Variants in MACROD2 observed in about 807,000 individuals in gnomAD.
The protein encoded by MACROD2 is ADP-ribose glycohydrolase MACROD2.
Under a neutral mutation model 70.4 loss-of-function variants are expected in MACROD2, and 36 were observed. The observed-to-expected ratio is 0.51, with a 90% confidence interval of 0.39 to 0.68. The LOEUF is 0.68. MACROD2 is among the 30% of genes least tolerant of loss of function. MACROD2 has a pLI of 0.00. For missense variants in MACROD2, 496 were observed against 538.4 expected, an observed-to-expected ratio of 0.92 and a Z score of 0.78; for synonymous variants, 172 against 178.8, an observed-to-expected ratio of 0.96 and a Z score of 0.30.
At chr20:15,935,514 C>A (rs1043676132) in intron 11 of MACROD2, among the ~76,000 whole-genome samples, 1 of 152,180 alleles carries the variant, frequency 6.6e-6, no homozygotes, top group African/African-American at 2.4e-5. Context: ...AAAGTATCTT[C>A]TTTTCATTCA....
At chr20:15,511,183 C>T (rs868316507) in intron 8 of MACROD2, among the ~76,000 whole-genome samples, 2 of 152,302 alleles carry the variant, frequency 1.3e-5, no homozygotes, top group Middle Eastern at 6.8e-3. Flanking sequence ...GCTATGCACG[C>T]ATATATCCTC....
chr20:14,779,641 AT>A (rs1212132490), intron 5 of MACROD2, among the ~76,000 whole-genome samples: 2 of 152,132 alleles, frequency 1.3e-5, no homozygotes, highest in African/African-American at 4.8e-5. Context: ...GTTAAGCAGT[AT>A]GGTAAAAATA....
chr20:14,580,781 G>T (rs183428251), intron 4 of MACROD2, among the ~76,000 whole-genome samples: 1 of 152,284 alleles, frequency 6.6e-6, no homozygotes, highest in Non-Finnish European at 1.5e-5. Context: ...GTAGACATAT[G>T]TTCTTTTTTC....
intron 6 of MACROD2, among the ~76,000 whole-genome samples, chr20:15,332,767 T>A (rs2078006505): frequency 6.6e-6 from 1 of 151,746 alleles, no homozygotes; most frequent in Non-Finnish European, 1.5e-5. Flanking sequence ...AAGCCATCCC[T>A]CCATGACCTT....
At chr20:14,431,819 C>A (rs922752889) in intron 3 of MACROD2, among the ~76,000 whole-genome samples, 1 of 152,108 alleles carries the variant, frequency 6.6e-6, no homozygotes, top group South Asian at 2.1e-4. Context: ...GAAAATAATT[C>A]GGCCTTCTTA....
intron 5 of MACROD2, among the ~76,000 whole-genome samples, chr20:14,768,394 G>T (rs1046455662): frequency 2.0e-5 from 3 of 152,088 alleles, no homozygotes; most frequent in African/African-American, 7.3e-5. Context: ...CATTTCCCAG[G>T]AATTTGGGAA....
chr20:15,529,610 T>C (rs2047768948), intron 8 of MACROD2, among the ~76,000 whole-genome samples: 2 of 152,046 alleles, frequency 1.3e-5, no homozygotes, highest in Admixed American at 6.5e-5. Flanking sequence ...GCCATGTTTG[T>C]GATTTTAAGT....
intron 5 of MACROD2, among the ~76,000 whole-genome samples, chr20:15,169,301 C>T (rs901697001): frequency 5.9e-5 from 9 of 152,090 alleles, no homozygotes; most frequent in South Asian, 2.1e-4. Context: ...AGCATGACAT[C>T]AGATGGAGGG....
intron 8 of MACROD2, among the ~76,000 whole-genome samples, chr20:15,763,581 T>C (rs916311329): frequency 6.6e-6 from 1 of 152,198 alleles, no homozygotes; most frequent in African/African-American, 2.4e-5. Context: ...GAATATTTGA[T>C]ACAGTCATAG....
chr20:15,450,096 C>T (rs2046620904), intron 7 of MACROD2, among the ~76,000 whole-genome samples: 2 of 152,040 alleles, frequency 1.3e-5, no homozygotes, highest in Admixed American at 1.3e-4. Context: ...TACAGGTATA[C>T]ATAGATATCA....
chr20:15,637,204 C>G (rs2049383460), intron 8 of MACROD2, among the ~76,000 whole-genome samples: 1 of 116,110 alleles, frequency 8.6e-6, no homozygotes, highest in South Asian at 3.3e-4. Flanking sequence ...CATCCTGGTC[C>G]TGATATTTAC....
intron 3 of MACROD2, among the ~76,000 whole-genome samples, chr20:14,335,615 A>C (rs1003461626): frequency 3.3e-5 from 5 of 152,172 alleles, no homozygotes; most frequent in African/African-American, 1.2e-4. Flanking sequence ...TTTTGAACCC[A>C]GTCATAATTG....
intron 6 of MACROD2, among the ~76,000 whole-genome samples, chr20:15,300,753 G>T (rs2077634234): frequency 6.6e-6 from 1 of 152,138 alleles, no homozygotes; most frequent in Admixed American, 6.6e-5. Context: ...AAGTGGGTAG[G>T]GTTAAGGCTG....
chr20:14,554,052 C>T (rs1454161915), intron 4 of MACROD2, among the ~76,000 whole-genome samples: 1 of 152,060 alleles, frequency 6.6e-6, no homozygotes, highest in Non-Finnish European at 1.5e-5. Context: ...TTTTTAATCC[C>T]TTCATTTGCC....
At chr20:14,409,389 A>G (rs957321369) in intron 3 of MACROD2, among the ~76,000 whole-genome samples, 5 of 151,736 alleles carry the variant, frequency 3.3e-5, no homozygotes, top group Admixed American at 6.6e-5. Context: ...TATTCAGAAT[A>G]TCATTTTATC....
intron 3 of MACROD2, among the ~76,000 whole-genome samples, chr20:14,380,015 A>G (rs2083406828): frequency 6.6e-6 from 1 of 152,060 alleles, no homozygotes; most frequent in Non-Finnish European, 1.5e-5. Flanking sequence ...TTTTTAAGGA[A>G]CTACTTTAAA....
chr20:14,254,810 G>A (rs199888235), intron 3 of MACROD2, among the ~76,000 whole-genome samples: 37 of 151,886 alleles, frequency 2.4e-4, no homozygotes, highest in East Asian at 1.9e-3. Context: ...TATTTTGCTC[G>A]TTAGTTGATG....
chr20:15,328,854 A>G (rs1274083030), intron 6 of MACROD2, among the ~76,000 whole-genome samples: 1 of 152,158 alleles, frequency 6.6e-6, no homozygotes, highest in Admixed American at 6.6e-5. Context: ...TCAGAAAAGA[A>G]TGCCAAAAGA....
At chr20:14,989,781 C>T (rs575655282) in intron 5 of MACROD2, among the ~76,000 whole-genome samples, 79 of 152,204 alleles carry the variant, frequency 5.2e-4, no homozygotes, top group African/African-American at 1.7e-3. Context: ...CGTTTTAGGT[C>T]GGTCATAGCT....
Sources: allele counts gnomAD v4.1 joint callset (sites outside exome capture counted in the v4.1 genomes callset), GRCh38; gene constraint gnomAD v4.1.1; transcripts MANE v1.5; gene names NCBI Gene and HGNC (gene_info 2026-07-23, HGNC 2026-07-21).